The following ARHGEF3 variants were observed in gnomAD, a reference collection of about 807,000 sequenced individuals.
The protein encoded by ARHGEF3 is Rho guanine nucleotide exchange factor 3, also known as 59.8 kDA protein.
ARHGEF3 carries 28 observed loss-of-function variants against 63.2 expected under a neutral mutation model. The observed-to-expected ratio is 0.44, with a 90% CI of 0.33 to 0.61. The LOEUF (loss-of-function observed/expected upper bound fraction) is 0.61. ARHGEF3 is among the 20% of genes least tolerant of loss of function. The probability of loss-of-function intolerance (pLI) is 0.03; values close to 1 mark genes in which losing one functional copy is unlikely to be tolerated. For synonymous variants in ARHGEF3, 266 were observed against 254.2 expected (o/e 1.05, Z -0.44); for missense variants, 533 against 659.3 (o/e 0.81, Z 2.10).
At chr3:57,023,223 C>T (rs1472393595) in intron 2 of ARHGEF3, among the ~76,000 whole-genome samples, 1 of 152,156 alleles carries the variant, frequency 6.6e-6, no homozygotes, top group East Asian at 1.9e-4. Context: ...AGAAGGGGCT[C>T]AACAGATGTT....
intron 4 of ARHGEF3, among the ~76,000 whole-genome samples, chr3:56,867,981 TGA>T (rs1184255186): frequency 6.6e-6 from 1 of 152,176 alleles, no homozygotes; most frequent in Non-Finnish European, 1.5e-5. Flanking sequence ...TGCTTGGATA[TGA>T]ATCAAACTTT....
At chr3:56,968,876 T>C (rs761783756) in intron 2 of ARHGEF3, among the ~76,000 whole-genome samples, 1 of 152,224 alleles carries the variant, frequency 6.6e-6, no homozygotes, top group African/African-American at 2.4e-5. Context: ...GGCCATCATA[T>C]TGAACAGCAC....
chr3:56,735,127 T>C (rs1435459937), intron 8 of ARHGEF3, among the ~76,000 whole-genome samples: 1 of 152,082 alleles, frequency 6.6e-6, no homozygotes, highest in Non-Finnish European at 1.5e-5. Flanking sequence ...CTACTAAAAA[T>C]GCAAAAATTA....
intron 2 of ARHGEF3, among the ~76,000 whole-genome samples, chr3:57,025,780 C>A (rs1214443096): frequency 6.6e-6 from 1 of 152,126 alleles, no homozygotes; most frequent in African/African-American, 2.4e-5. Context: ...TAATCAGGGC[C>A]CCTGCCTGTC....
chr3:56,781,082 GAGAA>G (rs1463226685), intron 1 of ARHGEF3, among the ~76,000 whole-genome samples: 1 of 152,142 alleles, frequency 6.6e-6, no homozygotes, highest in Non-Finnish European at 1.5e-5. Context: ...GACACACATG[GAGAA>G]GATGGCCATG....
intron 4 of ARHGEF3, among the ~76,000 whole-genome samples, chr3:56,820,871 A>G (rs1433214622): frequency 6.6e-6 from 1 of 151,812 alleles, no homozygotes; most frequent in African/African-American, 2.4e-5. Context: ...GTGACTTATG[A>G]AAAAAAAGTG....
chr3:56,775,988 T>TTC, intron 1 of ARHGEF3, among the ~76,000 whole-genome samples: 1 of 152,232 alleles, frequency 6.6e-6, no homozygotes. Context: ...GTCTTTCTCT[T>TTC]TCTCTCTCTC....
At chr3:56,732,530 G>T (rs1168321870) in intron 8 of ARHGEF3, 106 bp from the exon 9 acceptor site, 2 of 1,294,502 alleles carry the variant, frequency 1.5e-6, no homozygotes, top group African/African-American at 1.5e-5. Flanking sequence ...GTTCACACTG[G>T]ATTATGAACT....
chr3:57,042,252 T>C (rs990052829), intron 1 of ARHGEF3, among the ~76,000 whole-genome samples: 1 of 150,694 alleles, frequency 6.6e-6, no homozygotes, highest in African/African-American at 2.4e-5. Context: ...ACTGGAGAAA[T>C]AATGACTGAT....
chr3:56,778,564 G>C (rs2036394345), intron 1 of ARHGEF3, among the ~76,000 whole-genome samples: 1 of 152,208 alleles, frequency 6.6e-6, no homozygotes, highest in Admixed American at 6.5e-5. Context: ...ACAGGGTCTT[G>C]CTCTGTCACT....
At chr3:56,916,257 C>CGGGT in intron 3 of ARHGEF3, 1 of 1,522,694 alleles carries the variant, frequency 6.6e-7, no homozygotes, top group Non-Finnish European at 8.8e-7. Flanking sequence ...CCACCCGGCT[C>CGGGT]GGGTGGGAGT....
intron 1 of ARHGEF3, among the ~76,000 whole-genome samples, chr3:57,070,774 C>T (rs1416664123): frequency 6.6e-6 from 1 of 151,874 alleles, no homozygotes; most frequent in Admixed American, 6.6e-5. Flanking sequence ...GCCTGGGTAA[C>T]ACAGCCAGAC....
intron 3 of ARHGEF3, among the ~76,000 whole-genome samples, chr3:56,948,244 T>C (rs1312179824): frequency 2.0e-5 from 3 of 151,910 alleles, no homozygotes; most frequent in African/African-American, 4.8e-5. Context: ...CAAACACATT[T>C]AAAAGCTAGC....
At chr3:56,910,885 G>A (rs1365327097) in intron 3 of ARHGEF3, among the ~76,000 whole-genome samples, 1 of 152,134 alleles carries the variant, frequency 6.6e-6, no homozygotes, top group Non-Finnish European at 1.5e-5. Flanking sequence ...TACCCTATGA[G>A]GCAGGTACTA....
chr3:57,054,613 TG>T (rs1198244953), intron 1 of ARHGEF3, among the ~76,000 whole-genome samples: 13 of 149,950 alleles, frequency 8.7e-5, no homozygotes, highest in Non-Finnish European at 1.6e-4. Flanking sequence ...CACTCCAGCC[TG>T]GGTGACAGAG....
chr3:57,061,419 T>G lies in ARHGEF3; in HGVS notation c.-28+17807A>C, dbSNP rs756523911. 9.4e-4 allele frequency among the ~76,000 whole-genome samples: 143 copies of G among 152,186 alleles called. 3 individuals carry two copies. Among genetic ancestry groups the G allele is most frequent in the Admixed American group, 3.3e-4 (5 of 15,276 alleles). ...CTCAAGAGATCCTCCTATCTTGGCC[T>G]CCCAAAGTGCCAGCATTACAGGTGT... On this transcript the variant is annotated intron_variant, in intron 1 of 12. Coordinates refer to the ARHGEF3 transcript ENST00000338458.
At chr3:56,868,139 T>C (rs1242443573) in intron 4 of ARHGEF3, among the ~76,000 whole-genome samples, 1 of 152,116 alleles carries the variant, frequency 6.6e-6, no homozygotes, top group Non-Finnish European at 1.5e-5. Flanking sequence ...TGAAAGGTCC[T>C]CTCTAGATGT....
intron 2 of ARHGEF3, among the ~76,000 whole-genome samples, chr3:56,978,836 G>A (rs1701219483): frequency 6.6e-6 from 1 of 152,112 alleles, no homozygotes; most frequent in African/African-American, 2.4e-5. Context: ...AGCTCACACA[G>A]CCAACAATAG....
intron 4 of ARHGEF3, among the ~76,000 whole-genome samples, chr3:56,807,898 T>G (rs1182656190): frequency 1.3e-5 from 2 of 150,256 alleles, no homozygotes; most frequent in Non-Finnish European, 3.0e-5. Context: ...CCAAGGCGGG[T>G]GGATCGCCTG....
Sources: allele counts gnomAD v4.1 joint callset (sites outside exome capture counted in the v4.1 genomes callset), GRCh38; gene constraint gnomAD v4.1.1; transcripts MANE v1.5; gene names NCBI Gene and HGNC (gene_info 2026-07-23, HGNC 2026-07-21).